GMCL1: variants seen among roughly 807,000 people sequenced by gnomAD.
GMCL1 encodes the protein germ cell-less 1, spermatogenesis associated.
A neutral mutation model predicts 75.5 loss-of-function variants in GMCL1; 54 were observed. That is an observed-to-expected ratio of 0.71 (90% CI 0.57 to 0.90). GMCL1 has a LOEUF of 0.90. Ranked by LOEUF, GMCL1 falls within the 40% of genes least tolerant of loss-of-function variation. The pLI, the probability that GMCL1 is intolerant of heterozygous loss-of-function variation, is 0.00. For synonymous variants in GMCL1, 210 were observed against 209.6 expected (o/e 1.00, Z -0.02); for missense variants, 537 against 622.7 (o/e 0.86, Z 1.47).
intron 13 of GMCL1, among the ~76,000 whole-genome samples, chr2:69,872,137 G>A (rs1419404612): frequency 1.3e-5 from 2 of 152,150 alleles, no homozygotes; most frequent in African/African-American, 4.8e-5. Context: ...AAAATTTTAG[G>A]AATCTTAAGT....
chr2:69,853,266 T>C (rs1675371160), intron 8 of GMCL1, among the ~76,000 whole-genome samples: 1 of 152,168 alleles, frequency 6.6e-6, no homozygotes, highest in Non-Finnish European at 1.5e-5. Flanking sequence ...ATTTTTAAAC[T>C]CAAGAGATAT....
intron 9 of GMCL1, among the ~76,000 whole-genome samples, chr2:69,857,647 C>G (rs945667954): frequency 1.3e-5 from 2 of 152,122 alleles, no homozygotes; most frequent in Admixed American, 6.6e-5. Context: ...CCAGGCTTCT[C>G]CATAATTTTG....
chr2:69,860,067 C>G (rs1313399207), intron 9 of GMCL1, among the ~76,000 whole-genome samples: 1 of 152,066 alleles, frequency 6.6e-6, no homozygotes, highest in Non-Finnish European at 1.5e-5. Flanking sequence ...ATTGGCATGT[C>G]CAGGGCTCGC....
intron 2 of GMCL1, among the ~76,000 whole-genome samples, chr2:69,838,970 A>C (rs12613917): frequency 6.6e-6 from 1 of 152,070 alleles, no homozygotes; most frequent in Non-Finnish European, 1.5e-5. Context: ...GAGGAGTGCT[A>C]TCTGGCAGAT....
intron 3 of GMCL1, among the ~76,000 whole-genome samples, chr2:69,840,457 A>G (rs769072111): frequency 6.6e-6 from 1 of 152,166 alleles, no homozygotes; most frequent in African/African-American, 2.4e-5. Context: ...TGGGACATTC[A>G]TAACAGTGGC....
rs1290656707 is a variant in GMCL1, at chr2:69,879,999, CAG to C, written c.*998_*999del. 3 of 152,020 alleles carry C rather than the reference CAG, an allele frequency of 2.0e-5. No individual in the cohort carries two copies. The highest frequency in any genetic ancestry group is 7.2e-5 in the African/African-American group (3 of 41,382). 9.4% of individuals were successfully genotyped at this position (152,020 alleles called of 1,614,324 possible). ...ATTTCATAGTAAATGTAAATAAGGT[CAG>C]AGGATGTAATATGGAGCCTGATGAT... On this transcript the variant is annotated 3_prime_UTR_variant, in exon 14 of 14. Transcript: ENST00000282570.
chr2:69,874,574 G>A (rs1676069921), intron 13 of GMCL1, among the ~76,000 whole-genome samples: 1 of 151,288 alleles, frequency 6.6e-6, no homozygotes, highest in African/African-American at 2.4e-5. Context: ...TCATTTCTTT[G>A]GTTACTGTAT....
chr2:69,869,901 C>T (rs1259804787), intron 12 of GMCL1, 37 bp downstream of exon 12: 1 of 1,587,408 alleles, frequency 6.3e-7, no homozygotes, highest in Admixed American at 1.8e-5. Context: ...CCTCCTCACT[C>T]CAGAGAAAAT....
intron 13 of GMCL1, among the ~76,000 whole-genome samples, chr2:69,877,820 G>A (rs1676168086): frequency 6.6e-6 from 1 of 152,060 alleles, no homozygotes; most frequent in Non-Finnish European, 1.5e-5. Context: ...GTCTGCTTCA[G>A]TCACACAGAT....
At chr2:69,858,055 AT>A (rs1170986286) in intron 9 of GMCL1, among the ~76,000 whole-genome samples, 1 of 152,198 alleles carries the variant, frequency 6.6e-6, no homozygotes, top group Non-Finnish European at 1.5e-5. Context: ...TATCTCATTT[AT>A]TCCATTGGGA....
At chr2:69,849,452 A>G (rs962197059) in intron 7 of GMCL1, among the ~76,000 whole-genome samples, 200 bp from the exon 8 acceptor site, 2 of 152,246 alleles carry the variant, frequency 1.3e-5, no homozygotes, top group Non-Finnish European at 2.9e-5. Context: ...GGTGTGAGCC[A>G]CAGCACCCAG....
At chr2:69,859,742 T>TAAAAAAAAAA (rs1207817401) in intron 9 of GMCL1, among the ~76,000 whole-genome samples, 7 of 79,096 alleles carry the variant, frequency 8.9e-5, no homozygotes, top group African/African-American at 2.9e-4. Context: ...TCTCTCTCTC[T>TAAAAAAAAAA]AAAAAAAAAA....
At chr2:69,869,698 C>A in intron 11 of GMCL1, 21 bp from the exon 12 acceptor site, 1 of 1,606,094 alleles carries the variant, frequency 6.2e-7, no homozygotes, top group Non-Finnish European at 8.5e-7. Flanking sequence ...TGAAATAAGT[C>A]TTCTCTCTTG....
At chr2:69,846,653 A>G (rs1273079182) in intron 6 of GMCL1, among the ~76,000 whole-genome samples, 1 of 152,194 alleles carries the variant, frequency 6.6e-6, no homozygotes, top group Non-Finnish European at 1.5e-5. Context: ...GAAAGAAAGA[A>G]CAAAGGAAAA....
At position 69,880,106 on chromosome 2, in the gene GMCL1, T is replaced by C. The variant is rs988619581; in HGVS notation, c.*1102T>C. Reference sequence around the variant, plus strand: ...GTCATGATTTATGTATGTTGACCTTTTGTGTTTATTACTGTTTTGAAAATA... The same window carrying C: ...GTCATGATTTATGTATGTTGACCTTCTGTGTTTATTACTGTTTTGAAAATA... On this transcript the variant is annotated 3_prime_UTR_variant, in exon 14 of 14. Coordinates refer to ENST00000282570, the MANE Select transcript of GMCL1 (RefSeq NM_178439.5). 6.6e-6 allele frequency: 1 copy of C among 152,194 alleles called. No homozygotes were observed. The highest frequency in any genetic ancestry group is 2.4e-5 in the African/African-American group (1 of 41,458). The allele number at this position is 152,194 out of a possible 1,614,324, so 9.4% of individuals were successfully genotyped here.
intron 11 of GMCL1, among the ~76,000 whole-genome samples, chr2:69,869,383 A>G (rs1461613227): frequency 4.3e-5 from 6 of 139,568 alleles, no homozygotes; most frequent in Non-Finnish European, 6.0e-5. Flanking sequence ...ATGCCACTGC[A>G]CTCCAGCCTG....
rs1257931117 is a variant in GMCL1, at chr2:69,829,903, T to C, written c.11T>C (p.Leu4Ser). ...GGGGAGCCGTGACCCATGGGATCGT[T>C]GAGCAGCCGGGTGCTGCGCCAGCCA... MGS[L>S]SSRVLRQPRP... is the part of the protein sequence containing the mutation. The change falls in exon 1 of 14, where the codon TTG becomes TCG. Residue 4 changes from leucine to serine, a missense_variant. Around this residue, in one of 3 missense-constraint regions of GMCL1, gnomAD observed 144 missense variants for 127.2 expected, o/e 1.13. Coordinates refer to ENST00000282570, the MANE Select transcript of GMCL1 (RefSeq NM_178439.5). The C allele has an allele frequency of 6.2e-7, 1 of 1,600,442 alleles. No individual in the cohort carries two copies. The highest frequency in any genetic ancestry group is 1.1e-5 in the South Asian group (1 of 89,658).
intron 1 of GMCL1, among the ~76,000 whole-genome samples, chr2:69,830,732 T>C (rs1674648288): frequency 6.6e-6 from 1 of 151,146 alleles, no homozygotes. Context: ...GTACTGTATG[T>C]AGGGCGGTGC....
At chr2:69,831,674 C>A (rs1674676293) in intron 1 of GMCL1, among the ~76,000 whole-genome samples, 1 of 152,128 alleles carries the variant, frequency 6.6e-6, no homozygotes, top group South Asian at 2.1e-4. Context: ...GTGGTGGGAT[C>A]ATGACTCACT....
Sources: gnomAD v4.1 joint callset for allele counts (sites outside exome capture counted in the v4.1 genomes callset) on GRCh38, gnomAD v4.1.1 for gene constraint, gnomAD v4.1.1 regional missense constraint, MANE v1.5 for transcripts, NCBI Gene and HGNC (gene_info 2026-07-23, HGNC 2026-07-21) for gene names.